Variants in NUCB2 observed in about 807,000 individuals in gnomAD.
NUCB2 encodes nucleobindin-2.
NUCB2 carries 48 observed loss-of-function variants against 57.9 expected under a neutral mutation model. The ratio of observed to expected loss-of-function variants is 0.83; its 90% CI spans 0.66 to 1.05. The LOEUF (loss-of-function observed/expected upper bound fraction) is 1.05. Among genes scored for constraint, NUCB2 ranks in the 50% least tolerant of loss-of-function variants. The probability of loss-of-function intolerance (pLI) is 0.00; values close to 1 mark genes in which losing one functional copy is unlikely to be tolerated. For missense variants in NUCB2, 442 were observed against 476.2 expected (o/e 0.93, Z 0.67); for synonymous variants, 139 against 152.1 (o/e 0.91, Z 0.64).
rs946058323 is a variant in NUCB2 at position 17,295,498 on chromosome 11, T to C, written c.144+31T>C. 4.1e-6 allele frequency: 6 copies of C among 1,478,930 alleles called. No homozygotes were observed. In the African/African-American group the frequency reaches 8.4e-5, roughly 21 times the overall value. 91.6% of individuals were successfully genotyped at this position (1,478,930 alleles called of 1,614,324 possible). On this transcript the variant is annotated intron_variant, in intron 3 of 13. Transcript: ENST00000529010. ...TGAAATGAAGTGAAATGGGAGGAATTATAACTAAATGAAATGAATTATAAT... is the reference window on the plus strand; with the variant it reads ...TGAAATGAAGTGAAATGGGAGGAATCATAACTAAATGAAATGAATTATAAT...
intron 4 of NUCB2, among the ~76,000 whole-genome samples, chr11:17,300,963 T>C (rs949860990): frequency 4.9e-5 from 7 of 143,322 alleles, no homozygotes; most frequent in Non-Finnish European, 9.1e-5. Flanking sequence ...GAGTTAAAGC[T>C]AATCTTTTTT....
chr11:17,327,717 T>C (rs1950875626), intron 11 of NUCB2, among the ~76,000 whole-genome samples: 1 of 152,138 alleles, frequency 6.6e-6, no homozygotes, highest in East Asian at 1.9e-4. Flanking sequence ...GAGACTCCGA[T>C]GCATTCTTCA....
rs768239139 is a variant in NUCB2, at chr11:17,277,898, ATCT to A, written c.-156+1076_-156+1078del. Among the ~76,000 whole-genome samples the A allele has an allele frequency of 8.5e-5, 13 of 152,306 alleles. No homozygotes were observed. In the South Asian group the frequency reaches 1.0e-3, roughly 12 times the overall value. Reference sequence around the variant, plus strand: ...AAATGTTGAACAAATATTTCAACAAATCTTCTTCAGCTAATAGGGTCAAAAATT... The same window carrying A: ...AAATGTTGAACAAATATTTCAACAAATCTTCAGCTAATAGGGTCAAAAATT... On this transcript the variant is annotated intron_variant, in intron 1 of 13. Transcript: ENST00000529010.
intron 2 of NUCB2, among the ~76,000 whole-genome samples, chr11:17,339,105 A>G (rs899723764): frequency 6.6e-6 from 1 of 152,014 alleles, no homozygotes; most frequent in Non-Finnish European, 1.5e-5. Context: ...CTCCTGCCTC[A>G]GTCTCCTGAG....
At chr11:17,295,162 ATT>A (rs1945614707) in intron 2 of NUCB2, among the ~76,000 whole-genome samples, 160 bp from the exon 3 acceptor site, 1 of 151,992 alleles carries the variant, frequency 6.6e-6, no homozygotes, top group Admixed American at 6.6e-5. Context: ...TTTAAGCATT[ATT>A]TTTGACAAGT....
At chr11:17,341,754 C>G (rs529478442) in intron 2 of NUCB2, among the ~76,000 whole-genome samples, 7 of 152,246 alleles carry the variant, frequency 4.6e-5, no homozygotes, top group Admixed American at 3.3e-4. Flanking sequence ...CGATGTTCAT[C>G]AGGGATATTG....
chr11:17,300,609 C>T (rs904222206), intron 4 of NUCB2, among the ~76,000 whole-genome samples: 1 of 152,112 alleles, frequency 6.6e-6, no homozygotes, highest in Non-Finnish European at 1.5e-5. Flanking sequence ...GCATTTTATA[C>T]TTTTTTATGG....
intron 2 of NUCB2, among the ~76,000 whole-genome samples, chr11:17,340,000 C>A (rs1415239507): frequency 9.9e-5 from 15 of 152,270 alleles, no homozygotes; most frequent in East Asian, 3.9e-4. Context: ...TTCTCCACAT[C>A]CTCTCCAGCA....
intron 2 of NUCB2, among the ~76,000 whole-genome samples, chr11:17,288,680 G>T (rs1204661709): frequency 1.3e-5 from 2 of 149,412 alleles, no homozygotes; most frequent in Non-Finnish European, 3.0e-5. Flanking sequence ...TCAGCCTCCC[G>T]GGTAGCTGGG....
intron 1 of NUCB2, among the ~76,000 whole-genome samples, chr11:17,277,834 A>C (rs1297693901): frequency 6.6e-6 from 1 of 152,234 alleles, no homozygotes; most frequent in East Asian, 1.9e-4. Context: ...AGATGCTTTA[A>C]GGAATGTTTT....
chr11:17,329,713 C>G (rs994349371), intron 11 of NUCB2, among the ~76,000 whole-genome samples: 1 of 152,220 alleles, frequency 6.6e-6, no homozygotes, highest in African/African-American at 2.4e-5. Flanking sequence ...TTCTCAGTGT[C>G]TTTGCAGGTG....
rs1235402461 is a variant in NUCB2, at chr11:17,288,965, T to A, written c.-1+6022T>A. 3.9e-4 allele frequency among the ~76,000 whole-genome samples: 49 copies of A among 125,666 alleles called. 3 individuals carry two copies. Among genetic ancestry groups the A allele is most frequent in the African/African-American group, 8.7e-4 (28 of 32,164 alleles). 82.4% of individuals were successfully genotyped at this position (125,666 alleles called of 152,430 possible). A position where few individuals can be genotyped will look rare whatever the true frequency, so the allele number is the denominator to read the frequency against. On this transcript the variant is annotated intron_variant, in intron 2 of 13. Transcript: ENST00000529010. ...CACACACACACATATATATATATATTTTTTTTTTTTGAGATGGAGTTTTGC... is the reference window on the plus strand; with the variant it reads ...CACACACACACATATATATATATATATTTTTTTTTTGAGATGGAGTTTTGC...
In NUCB2 at chr11:17,288,880, T is replaced by TACACAC. The variant is rs775443519; in HGVS notation, c.-1+5938_-1+5939insCACACA. 3.1e-3 allele frequency among the ~76,000 whole-genome samples: 207 copies of TACACAC among 67,476 alleles called. 34 individuals carry two copies. The highest frequency in any genetic ancestry group is 9.9e-3 in the East Asian group (22 of 2,230). The allele number at this position is 67,476 out of a possible 152,430, so 44.3% of individuals were successfully genotyped here. On this transcript the variant is annotated intron_variant, in intron 2 of 13. Coordinates refer to ENST00000529010, the MANE Select transcript of NUCB2 (RefSeq NM_005013.4). ...CTTAAAGTCTATTTAATAACATGTA[T>TACACAC]ATACACACACACACACACACACACA...
Position 17,330,400 on chromosome 11 carries a change from T to A in NUCB2, c.1173+103T>A. On this transcript the variant is annotated intron_variant, in intron 12 of 13. Transcript: ENST00000529010. This position sits in a 1 kb window ranked among gnomAD's most constrained non-coding sequence, Gnocchi z 4.3. ...TTCATTGTACTATATAGTACACTGC[T>A]ATAGCTATACTATAGTATTTTAAAT... is the stretch of plus-strand genomic sequence containing the variant. 9 of 655,190 alleles carry A rather than the reference T, an allele frequency of 1.4e-5. No homozygotes were observed. Among genetic ancestry groups the A allele is most frequent in the Non-Finnish European group, 2.0e-5 (8 of 401,290 alleles). 40.6% of individuals were successfully genotyped at this position (655,190 alleles called of 1,614,324 possible).
chr11:17,316,757 A>G (rs1420029081), intron 11 of NUCB2, among the ~76,000 whole-genome samples: 2 of 152,230 alleles, frequency 1.3e-5, no homozygotes, highest in African/African-American at 4.8e-5. Context: ...AAGAAAGAAC[A>G]TAGTCTTTTT....
chr11:17,320,545 T>G (rs1422218235), intron 11 of NUCB2, among the ~76,000 whole-genome samples: 1 of 152,112 alleles, frequency 6.6e-6, no homozygotes, highest in Non-Finnish European at 1.5e-5. Context: ...TAATCCCAGC[T>G]GCTCGGGAGG....
At chr11:17,297,329 C>G (rs1474564957) in intron 4 of NUCB2, among the ~76,000 whole-genome samples, 2 of 151,968 alleles carry the variant, frequency 1.3e-5, no homozygotes, top group African/African-American at 2.4e-5. Flanking sequence ...AGTTTCTGTT[C>G]TTGGTGTGAA....
Position 17,310,878 on chromosome 11 carries a change from A to G in NUCB2, c.537A>G (p.Lys179=). 1 of 1,595,264 alleles carries G rather than the reference A, an allele frequency of 6.3e-7. No individual in the cohort carries two copies. The change falls in exon 7 of 14, where the codon AAA becomes AAG. Residue 179 remains lysine (K), a synonymous_variant. Transcript: ENST00000529010. ...AGACTCGTCATGAAGAATTTAAAAA[A>G]TATGAAATGATGAAGGAACATGAAA... ...YDKTRHEEFK[K]YEMMKEHERR...
intron 4 of NUCB2, among the ~76,000 whole-genome samples, 163 bp downstream of exon 4, chr11:17,296,374 T>C (rs1945825829): frequency 6.6e-6 from 1 of 152,182 alleles, no homozygotes; most frequent in Non-Finnish European, 1.5e-5. Flanking sequence ...CGTGCCACCA[T>C]GCTTGGCTTA....
Sources: gnomAD v4.1 joint callset for allele counts (sites outside exome capture counted in the v4.1 genomes callset) on GRCh38, gnomAD v4.1.1 for gene constraint, Gnocchi (gnomAD v3.1) non-coding constraint, MANE v1.5 for transcripts, NCBI Gene and HGNC (gene_info 2026-07-23, HGNC 2026-07-21) for gene names.